Variants in WIF1 observed in about 807,000 individuals in gnomAD.
WIF1 encodes the protein Wnt inhibitory factor 1.
WIF1 carries 35 observed loss-of-function variants against 53.5 expected under a neutral mutation model. The observed-to-expected ratio is 0.65, with a 90% CI of 0.50 to 0.87. The LOEUF (loss-of-function observed/expected upper bound fraction) is 0.87, where lower values mean the gene tolerates loss of function less well. WIF1 is among the 40% of genes least tolerant of loss of function. WIF1 has a pLI of 0.00. For synonymous variants in WIF1, 171 were observed against 170.4 expected, an observed-to-expected ratio of 1.00 and a Z score of -0.03; for missense variants, 467 against 476.8, an observed-to-expected ratio of 0.98 and a Z score of 0.19.
At chr12:65,056,366 CTTTTTTTTTTTTTTTTT>C (rs10584146) in intron 7 of WIF1, among the ~76,000 whole-genome samples, 1,059 of 24,236 alleles carry the variant, frequency 0.044, 8 homozygotes, top group Non-Finnish European at 0.056. Flanking sequence ...CATTTATATC[CTTTTTTTTTTTTTTTTT>C]TTTTTTTTTT....
At position 65,104,260 on chromosome 12, in the gene WIF1, C is replaced by A. The variant is rs372953810; in HGVS notation, c.288+16157G>T. 5.3e-5 allele frequency among the ~76,000 whole-genome samples: 8 copies of A among 152,140 alleles called. No individual in the cohort carries two copies. The East Asian group carries it at 1.5e-3, about 29-fold the overall frequency. ...AAAAGACAATTTCAAGCAAGTGTAACCATTATTTACCAAAGCCACTCTATT... is the reference window on the plus strand; with the variant it reads ...AAAAGACAATTTCAAGCAAGTGTAAACATTATTTACCAAAGCCACTCTATT... On this transcript the variant is annotated intron_variant, in intron 2 of 9. Transcript: ENST00000286574.
chr12:65,087,626 A>G (rs1434756582), intron 2 of WIF1, among the ~76,000 whole-genome samples: 1 of 152,152 alleles, frequency 6.6e-6, no homozygotes, highest in Non-Finnish European at 1.5e-5. Context: ...TTGATTTAAA[A>G]AAAAGGAGGA....
chr12:65,056,294 A>T (rs1342799751), intron 7 of WIF1, among the ~76,000 whole-genome samples, 168 bp from the exon 8 acceptor site: 1 of 144,190 alleles, frequency 6.9e-6, no homozygotes, highest in Non-Finnish European at 1.5e-5. Context: ...TTGTTTTTGG[A>T]ACAGACAGGA....
intron 2 of WIF1, among the ~76,000 whole-genome samples, chr12:65,080,257 C>G (rs956228878): frequency 1.3e-5 from 2 of 152,190 alleles, no homozygotes; most frequent in African/African-American, 2.4e-5. Flanking sequence ...CCACTGTGAA[C>G]AGTTCCCTAG....
intron 2 of WIF1, among the ~76,000 whole-genome samples, chr12:65,114,424 C>T (rs1280516754): frequency 6.6e-6 from 1 of 152,078 alleles, no homozygotes; most frequent in Non-Finnish European, 1.5e-5. Context: ...CCCTTTTTTC[C>T]AGTGGTACTT....
chr12:65,072,525 A>G (rs934655767), intron 3 of WIF1, among the ~76,000 whole-genome samples: 2 of 152,206 alleles, frequency 1.3e-5, no homozygotes, highest in African/African-American at 4.8e-5. Flanking sequence ...TCTGTCACAA[A>G]CTAGGTACCA....
rs1191450530 is a variant in WIF1 at position 65,121,117 on chromosome 12, C to T, written c.75G>A (p.Arg25=). 6.5e-6 allele frequency: 10 copies of T among 1,547,764 alleles called. No homozygotes were observed. The highest frequency in any genetic ancestry group is 5.2e-6 in the Non-Finnish European group (6 of 1,145,288). ...CCTCCTGCGGCGGCCCGGCCTCCGC[C>T]CGCAGTGCCAGCAGGCACAGGAGGA... ...WSILLCLLAL[R]AEAGPPQEES... Residue 25 remains arginine (R), a synonymous_variant, in exon 1 of 10, where the codon CGG becomes CGA. Transcript: ENST00000286574.
chr12:65,081,767 G>A (rs1882954295), intron 2 of WIF1, among the ~76,000 whole-genome samples: 1 of 151,434 alleles, frequency 6.6e-6, no homozygotes, highest in African/African-American at 2.4e-5. Context: ...GTAATTTCCT[G>A]GATACTTGGT....
At chr12:65,079,097 G>C (rs1486861369) in intron 2 of WIF1, among the ~76,000 whole-genome samples, 2 of 148,100 alleles carry the variant, frequency 1.4e-5, no homozygotes, top group African/African-American at 5.0e-5. Context: ...CCCAGGAGGT[G>C]GAGGCTGCAG....
chr12:65,107,033 A>G (rs1246322433), intron 2 of WIF1, among the ~76,000 whole-genome samples: 1 of 152,236 alleles, frequency 6.6e-6, no homozygotes, highest in African/African-American at 2.4e-5. Context: ...AACCTACTGA[A>G]TATAGTAATG....
intron 2 of WIF1, among the ~76,000 whole-genome samples, chr12:65,092,534 C>T (rs12312812): frequency 6.8e-6 from 1 of 147,414 alleles, no homozygotes; most frequent in Non-Finnish European, 1.5e-5. Context: ...GCATGGTATG[C>T]GATTGCTGTT....
At chr12:65,084,759 C>T (rs1422755967) in intron 2 of WIF1, among the ~76,000 whole-genome samples, 2 of 152,144 alleles carry the variant, frequency 1.3e-5, no homozygotes, top group Non-Finnish European at 2.9e-5. Flanking sequence ...CGTTCCAGAA[C>T]ACATTGTTGT....
intron 2 of WIF1, 58 bp downstream of exon 2, chr12:65,120,359 T>C: frequency 6.4e-7 from 1 of 1,572,652 alleles, no homozygotes; most frequent in Admixed American, 1.8e-5. Context: ...TATACAGTAC[T>C]ATTTCCACCT....
chr12:65,094,091 T>C (rs1883165766), intron 2 of WIF1, among the ~76,000 whole-genome samples: 1 of 152,176 alleles, frequency 6.6e-6, no homozygotes. Flanking sequence ...ACATAGCCGC[T>C]GAACTTTCTT....
chr12:65,097,140 T>G (rs941068129), intron 2 of WIF1, among the ~76,000 whole-genome samples: 4 of 151,344 alleles, frequency 2.6e-5, no homozygotes, highest in Non-Finnish European at 5.9e-5. Context: ...CTCTGAAAAC[T>G]GGGCCTCTTT....
chr12:65,056,150 A>C (rs760168474), intron 7 of WIF1, 24 bp from the exon 8 acceptor site: 1 of 1,605,804 alleles, frequency 6.2e-7, no homozygotes, highest in Non-Finnish European at 8.5e-7. Flanking sequence ...GAATGCAGCT[A>C]AACAAGGAAC....
intron 3 of WIF1, among the ~76,000 whole-genome samples, chr12:65,075,814 G>A (rs1882852460): frequency 6.6e-6 from 1 of 151,954 alleles, no homozygotes; most frequent in African/African-American, 2.4e-5. Context: ...CCAAAATAAA[G>A]TATAAATGTT....
At position 65,064,525 on chromosome 12, in the gene WIF1, A is replaced by AT. The variant is rs760134556; in HGVS notation, c.731-1950dup. 1.2e-4 allele frequency among the ~76,000 whole-genome samples: 18 copies of AT among 151,980 alleles called. No individual in the cohort carries two copies. The East Asian group carries it at 1.5e-3, about 13-fold the overall frequency. ...CTATTTCCATAGTAGTAATTAAATC[A>AT]TTTTTCAGAGCCTCCACATATTCCC... On this transcript the variant is annotated intron_variant, in intron 6 of 9. Transcript: ENST00000286574.
chr12:65,088,419 C>T (rs1391464292), intron 2 of WIF1, among the ~76,000 whole-genome samples: 1 of 152,062 alleles, frequency 6.6e-6, no homozygotes, highest in African/African-American at 2.4e-5. Context: ...TCATTTATGC[C>T]ATCTGTGCAC....
Sources: allele counts gnomAD v4.1 joint callset (sites outside exome capture counted in the v4.1 genomes callset), GRCh38; gene constraint gnomAD v4.1.1; transcripts MANE v1.5; gene names NCBI Gene and HGNC (gene_info 2026-07-23, HGNC 2026-07-21).